Variants in IL1RAPL1 observed in about 807,000 individuals in gnomAD.
IL1RAPL1 encodes the protein interleukin-1 receptor accessory protein-like 1.
In IL1RAPL1, 3 loss-of-function variants were observed where a neutral mutation model predicts 48.4. That is an observed-to-expected ratio of 0.06 (90% CI 0.03 to 0.16). The LOEUF (loss-of-function observed/expected upper bound fraction) is 0.16, where lower values mean the gene tolerates loss of function less well. IL1RAPL1 is among the 10% of genes least tolerant of loss of function. IL1RAPL1 has a pLI of 1.00. For missense variants in IL1RAPL1, 349 were observed against 530.6 expected (o/e 0.66, Z 3.36); for synonymous variants, 185 against 187.7 (o/e 0.99, Z 0.12).
At chrX:29,594,947 T>C (rs1244137598) in intron 5 of IL1RAPL1, among the ~76,000 whole-genome samples, 3 of 111,598 alleles carry the variant, frequency 2.7e-5, no homozygotes, top group African/African-American at 6.5e-5. Context: ...TGTGTCCTTA[T>C]AGCTTAGCTC....
At chrX:29,634,718 C>T (rs1924911420) in intron 5 of IL1RAPL1, among the ~76,000 whole-genome samples, 1 of 111,810 alleles carries the variant, frequency 8.9e-6, no homozygotes, top group Non-Finnish European at 1.9e-5. Context: ...AATCACCATC[C>T]TTCTGCACAC....
At chrX:29,476,673 C>A (rs950333016) in intron 5 of IL1RAPL1, among the ~76,000 whole-genome samples, 18 of 109,246 alleles carry the variant, frequency 1.6e-4, no homozygotes, top group African/African-American at 5.7e-4. Context: ...TTTGTACAGC[C>A]CATTATACAT....
intron 1 of IL1RAPL1, among the ~76,000 whole-genome samples, chrX:28,638,328 A>C (rs1934490843): frequency 9.0e-6 from 1 of 111,413 alleles, no homozygotes; most frequent in South Asian, 3.8e-4. Context: ...AATGGGCAAG[A>C]AGAGTAGTCA....
At chrX:29,833,408 G>A (rs759989610) in intron 6 of IL1RAPL1, among the ~76,000 whole-genome samples, 4 of 110,054 alleles carry the variant, frequency 3.6e-5, no homozygotes, top group African/African-American at 6.6e-5. Context: ...TTTTAACCAC[G>A]GTGTTGAAAA....
intron 6 of IL1RAPL1, among the ~76,000 whole-genome samples, chrX:29,881,359 A>G (rs1184914335): frequency 9.0e-6 from 1 of 111,102 alleles, no homozygotes; most frequent in Non-Finnish European, 1.9e-5. Context: ...GCTGAGGGCT[A>G]AGAAAAGAAA....
chrX:29,882,924 C>T (rs1253170836), intron 6 of IL1RAPL1, among the ~76,000 whole-genome samples: 2 of 111,574 alleles, frequency 1.8e-5, no homozygotes, highest in Admixed American at 1.9e-4. Flanking sequence ...AGAAATTCTG[C>T]AGTAGCATCT....
chrX:28,785,851 G>A (rs1936467486), intron 1 of IL1RAPL1, among the ~76,000 whole-genome samples: 2 of 111,933 alleles, frequency 1.8e-5, no homozygotes, highest in Admixed American at 9.5e-5. Context: ...TTGTCTTTGT[G>A]TCCCCACTAC....
At chrX:29,237,463 C>T (rs1453591199) in intron 2 of IL1RAPL1, among the ~76,000 whole-genome samples, 2 of 112,481 alleles carry the variant, frequency 1.8e-5, no homozygotes, top group African/African-American at 6.5e-5. Context: ...AGTTATAAAA[C>T]AGTGTGCATC....
chrX:28,844,484 A>G (rs934037577), intron 2 of IL1RAPL1, among the ~76,000 whole-genome samples: 6 of 109,873 alleles, frequency 5.5e-5, no homozygotes, highest in Admixed American at 2.0e-4. Flanking sequence ...CAGGTGGCCA[A>G]TCATCAGACA....
At chrX:29,406,154 C>A (rs1223005548) in intron 5 of IL1RAPL1, among the ~76,000 whole-genome samples, 2 of 111,343 alleles carry the variant, frequency 1.8e-5, no homozygotes, top group African/African-American at 6.5e-5. Flanking sequence ...CTTTGGGAGG[C>A]CGAGGTGGGC....
intron 1 of IL1RAPL1, among the ~76,000 whole-genome samples, chrX:28,693,609 C>T (rs1347144744): frequency 8.9e-6 from 1 of 112,191 alleles, no homozygotes; most frequent in East Asian, 2.8e-4. Context: ...TACCCATTTG[C>T]AGGTATTTCA....
intron 2 of IL1RAPL1, among the ~76,000 whole-genome samples, chrX:28,884,185 A>G (rs1379378370): frequency 1.8e-5 from 2 of 111,982 alleles, no homozygotes; most frequent in African/African-American, 6.5e-5. Context: ...TTTAAAAAAT[A>G]AATAAATAAT....
intron 6 of IL1RAPL1, among the ~76,000 whole-genome samples, chrX:29,675,350 A>G (rs1452534141): frequency 8.9e-6 from 1 of 112,115 alleles, no homozygotes; most frequent in African/African-American, 3.2e-5. Flanking sequence ...GGCCCAAGAA[A>G]GAGTGCTGTC....
At position 29,283,033 on chromosome X, in the gene IL1RAPL1, A is replaced by G; in HGVS notation, c.178A>G (p.Ile60Val). The G allele has an allele frequency of 8.3e-7, 1 of 1,211,280 alleles. No individual in the cohort carries two copies. Among genetic ancestry groups the G allele is most frequent in the Non-Finnish European group, 1.1e-6 (1 of 895,138 alleles). ...CAAATGTGCACTCTTTTATGGTTATATCAGAACAAATTACTCCCTTGCCCA... is the reference window on the plus strand; with the variant it reads ...CAAATGTGCACTCTTTTATGGTTATGTCAGAACAAATTACTCCCTTGCCCA... The part of the protein sequence containing the change: ...RIKCALFYGY[I>V]RTNYSLAQSA... Residue 60 changes from isoleucine to valine, a missense_variant, in exon 3 of 11, where the codon ATC becomes GTC. Ile to Val is a conservative substitution (Grantham distance 29). Transcript: ENST00000378993.
At chrX:28,916,589 T>A (rs1041211157) in intron 2 of IL1RAPL1, among the ~76,000 whole-genome samples, 2 of 112,222 alleles carry the variant, frequency 1.8e-5, no homozygotes, top group African/African-American at 6.5e-5. Flanking sequence ...CTTTAATTTG[T>A]GTAGGAAGCA....
At chrX:29,506,191 T>C (rs1183257597) in intron 5 of IL1RAPL1, among the ~76,000 whole-genome samples, 1 of 112,474 alleles carries the variant, frequency 8.9e-6, no homozygotes, top group Non-Finnish European at 1.9e-5. Context: ...TTGTGTATTC[T>C]TGTTCAGAGA....
chrX:28,956,473 G>C (rs1218457257), intron 2 of IL1RAPL1, among the ~76,000 whole-genome samples: 20 of 110,388 alleles, frequency 1.8e-4, no homozygotes, highest in South Asian at 7.7e-4. Flanking sequence ...TAGCATGAAG[G>C]GTTGCTGAAT....
Position 29,486,358 on chromosome X carries a change from ACT to A in IL1RAPL1, c.703+87054_703+87055del, listed in dbSNP as rs754106202. On this transcript the variant is annotated intron_variant, in intron 5 of 10. Transcript: ENST00000378993. ...AGAATTAGAAGATCAGTATTTTACCACTCTCAAGGGATTTACTTTTTAGGAGA... is the reference window on the plus strand; with the variant it reads ...AGAATTAGAAGATCAGTATTTTACCACTCAAGGGATTTACTTTTTAGGAGA... Among the ~76,000 whole-genome samples the A allele has an allele frequency of 4.3e-3, 470 of 109,365 alleles. 6 individuals are homozygous for A. The highest frequency in any genetic ancestry group is 0.015 in the African/African-American group (448 of 29,977). The allele number at this position is 109,365 out of a possible 115,157, so 95.0% of individuals were successfully genotyped here. A position where few individuals can be genotyped will look rare whatever the true frequency, so the allele number is the denominator to read the frequency against.
intron 5 of IL1RAPL1, among the ~76,000 whole-genome samples, chrX:29,664,515 T>A (rs769279950): frequency 1.8e-5 from 2 of 111,521 alleles, no homozygotes; most frequent in South Asian, 7.5e-4. Context: ...ATCCAAAATG[T>A]ATCGAATATT....
Sources: gnomAD v4.1 joint callset for allele counts (sites outside exome capture counted in the v4.1 genomes callset) on GRCh38, gnomAD v4.1.1 for gene constraint, MANE v1.5 for transcripts, NCBI Gene and HGNC (gene_info 2026-07-23, HGNC 2026-07-21) for gene names.